VRK1: variants seen among roughly 807,000 people sequenced by gnomAD.
The protein encoded by VRK1 is serine/threonine-protein kinase VRK1.
VRK1 carries 33 observed loss-of-function variants against 57.1 expected under a neutral mutation model. The observed-to-expected ratio is 0.58, with a 90% CI of 0.44 to 0.77. The LOEUF is 0.77. Ranked by LOEUF, VRK1 falls within the 30% of genes least tolerant of loss-of-function variation. The pLI is 0.00. For missense variants in VRK1, 413 were observed against 477.3 expected, an observed-to-expected ratio of 0.87 and a Z score of 1.25; for synonymous variants, 137 against 147.8, an observed-to-expected ratio of 0.93 and a Z score of 0.53.
intron 3 of VRK1, among the ~76,000 whole-genome samples, chr14:96,838,376 A>G (rs1887306110): frequency 6.6e-6 from 1 of 152,188 alleles, no homozygotes; most frequent in African/African-American, 2.4e-5. Flanking sequence ...AGCCAGATCC[A>G]TTTATATGTT....
chr14:96,818,900 G>A (rs1886491623), intron 1 of VRK1, among the ~76,000 whole-genome samples: 1 of 152,164 alleles, frequency 6.6e-6, no homozygotes, highest in Admixed American at 6.5e-5. Context: ...GTGTCACTGG[G>A]AAGTGGCTTT....
intron 5 of VRK1, among the ~76,000 whole-genome samples, chr14:96,847,592 A>G (rs940845031): frequency 4.6e-5 from 7 of 152,124 alleles, no homozygotes; most frequent in Admixed American, 4.6e-4. Context: ...AGCAGTATCA[A>G]CTGACTGGAA....
chr14:96,834,257 C>T (rs887864282), intron 2 of VRK1, among the ~76,000 whole-genome samples: 4 of 152,144 alleles, frequency 2.6e-5, no homozygotes, highest in African/African-American at 9.7e-5. Flanking sequence ...ATATTTGCTT[C>T]TGATTTTTCT....
At chr14:96,877,036 A>T (rs767053203) in intron 12 of VRK1, among the ~76,000 whole-genome samples, 2 of 151,152 alleles carry the variant, frequency 1.3e-5, no homozygotes, top group Non-Finnish European at 2.9e-5. Context: ...GGCCCACAAT[A>T]CATTTTTTTA....
At chr14:96,808,365 C>T (rs1255794008) in intron 1 of VRK1, among the ~76,000 whole-genome samples, 1 of 152,110 alleles carries the variant, frequency 6.6e-6, no homozygotes, top group East Asian at 1.9e-4. Flanking sequence ...CCCTCATACC[C>T]TTGCCTCTTT....
chr14:96,870,171 T>A lies in VRK1; in HGVS notation c.1069-5859T>A, dbSNP rs1888761716. 1.3e-5 allele frequency among the ~76,000 whole-genome samples: 2 copies of A among 152,312 alleles called. 1 individual carries two copies. Among genetic ancestry groups the A allele is most frequent in the South Asian group, 4.1e-4 (2 of 4,834 alleles). ...TTCAGGACCTTTAAATTATTTTTTA[T>A]AACTTTTGCAGCATGCCTGTGAAAT... is the stretch of plus-strand genomic sequence containing the variant. On this transcript the variant is annotated intron_variant, in intron 11 of 12. Coordinates refer to ENST00000216639, the MANE Select transcript of VRK1 (RefSeq NM_003384.3).
intron 11 of VRK1, among the ~76,000 whole-genome samples, chr14:96,862,318 A>G (rs1038028226): frequency 2.6e-5 from 4 of 152,154 alleles, no homozygotes; most frequent in East Asian, 1.9e-4. Context: ...CATTTAGGGG[A>G]AAAAAATGAA....
At chr14:96,879,165 A>C (rs758753568) in intron 12 of VRK1, among the ~76,000 whole-genome samples, 1 of 152,148 alleles carries the variant, frequency 6.6e-6, no homozygotes, top group Non-Finnish European at 1.5e-5. Flanking sequence ...AATTATATAC[A>C]TTAGTCTTCT....
At chr14:96,870,315 AG>A (rs1220664801) in intron 11 of VRK1, among the ~76,000 whole-genome samples, 1 of 152,190 alleles carries the variant, frequency 6.6e-6, no homozygotes. Context: ...TAGTGATTTT[AG>A]GCATAAAATA....
intron 11 of VRK1, among the ~76,000 whole-genome samples, chr14:96,872,393 G>T (rs971686098): frequency 6.6e-6 from 1 of 152,122 alleles, no homozygotes; most frequent in Non-Finnish European, 1.5e-5. Context: ...CTCATTAAGG[G>T]TTAGATAAAT....
chr14:96,867,020 A>C (rs7141028), intron 11 of VRK1, among the ~76,000 whole-genome samples: 95,634 of 151,920 alleles, frequency 0.63, 30,841 homozygotes, highest in African/African-American at 0.69. Context: ...TTACTTTTAC[A>C]CTCTGAGCCC....
chr14:96,839,148 A>G (rs1265449861), intron 3 of VRK1, among the ~76,000 whole-genome samples: 3 of 142,036 alleles, frequency 2.1e-5, no homozygotes, highest in African/African-American at 7.9e-5. Flanking sequence ...TGTAAATGGT[A>G]TTAAACAGTA....
intron 11 of VRK1, among the ~76,000 whole-genome samples, chr14:96,869,845 T>C (rs1157539655): frequency 2.0e-5 from 3 of 152,114 alleles, no homozygotes; most frequent in African/African-American, 7.2e-5. Flanking sequence ...GAAGATCAGG[T>C]AGTATGTTTT....
intron 1 of VRK1, among the ~76,000 whole-genome samples, chr14:96,804,185 G>T (rs1406957523): frequency 6.6e-6 from 1 of 152,062 alleles, no homozygotes; most frequent in Non-Finnish European, 1.5e-5. Context: ...TTTCATTTTT[G>T]CACAGGATGT....
chr14:96,869,930 C>T (rs187304994), intron 11 of VRK1, among the ~76,000 whole-genome samples: 2 of 152,200 alleles, frequency 1.3e-5, no homozygotes, highest in Admixed American at 6.5e-5. Context: ...TTAGTTAACT[C>T]CCCACCAGTA....
At chr14:96,804,156 G>C (rs1885778991) in intron 1 of VRK1, among the ~76,000 whole-genome samples, 1 of 152,074 alleles carries the variant, frequency 6.6e-6, no homozygotes, top group Non-Finnish European at 1.5e-5. Context: ...CTTACATTTA[G>C]ATCCGTGATC....
Position 96,868,811 on chromosome 14 carries a change from T to C in VRK1, c.1069-7219T>C, listed in dbSNP as rs1888689047. On this transcript the variant is annotated intron_variant, in intron 11 of 12. Transcript: ENST00000216639. ...TTAAGCATTTCTGTGCTTTTTTTTTTTTTTTTTTGAGACAGAGTTTTGCTC... is the reference window on the plus strand; with the variant it reads ...TTAAGCATTTCTGTGCTTTTTTTTTCTTTTTTTTGAGACAGAGTTTTGCTC... 4.0e-5 allele frequency among the ~76,000 whole-genome samples: 6 copies of C among 151,634 alleles called. 1 individual carries two copies. Among genetic ancestry groups the C allele is most frequent in the Admixed American group, 2.0e-4 (3 of 15,236 alleles).
At chr14:96,825,042 A>G (rs1886749643) in intron 1 of VRK1, among the ~76,000 whole-genome samples, 1 of 152,322 alleles carries the variant, frequency 6.6e-6, no homozygotes, top group African/African-American at 2.4e-5. Flanking sequence ...TGAATATATT[A>G]GAGAAGGATT....
Position 96,797,651 on chromosome 14 carries a change from C to T in VRK1, c.-6+204C>T, listed in dbSNP as rs932305559. 5.3e-5 allele frequency among the ~76,000 whole-genome samples: 8 copies of T among 152,238 alleles called. No homozygotes were observed. The East Asian group carries it at 5.8e-4, about 11-fold the overall frequency. On this transcript the variant is annotated intron_variant, in intron 1 of 12. Coordinates refer to ENST00000216639, the MANE Select transcript of VRK1 (RefSeq NM_003384.3). ...CCGCCTGCGCGGGCGTCCGCTCCTT[C>T]CTTGTCTCGTTCAGGCCCCGCAGGC...
Sources: gnomAD v4.1 joint callset for allele counts (sites outside exome capture counted in the v4.1 genomes callset) on GRCh38, gnomAD v4.1.1 for gene constraint, MANE v1.5 for transcripts, NCBI Gene and HGNC (gene_info 2026-07-23, HGNC 2026-07-21) for gene names.